The following NUDCD1 variants were observed in gnomAD, a reference collection of about 807,000 sequenced individuals.
The protein encoded by NUDCD1 is NudC domain containing 1, also known as nudC domain-containing protein 1.
NUDCD1 carries 60 observed loss-of-function variants against 67.8 expected under a neutral mutation model. The observed-to-expected ratio is 0.88, with a 90% CI of 0.72 to 1.10. The LOEUF (loss-of-function observed/expected upper bound fraction) is 1.10. Ranked by LOEUF, NUDCD1 falls within the 50% of genes least tolerant of loss-of-function variation. NUDCD1 has a pLI of 0.00. For missense variants in NUDCD1, 643 were observed against 695.0 expected, an observed-to-expected ratio of 0.93 and a Z score of 0.84; for synonymous variants, 244 against 230.8, an observed-to-expected ratio of 1.06 and a Z score of -0.52.
At chr8:109,245,230 T>C in intron 9 of NUDCD1, 92 bp downstream of exon 9, 1 of 1,266,596 alleles carries the variant, frequency 7.9e-7, no homozygotes, top group African/African-American at 1.5e-5. Flanking sequence ...TCAGGACAGC[T>C]CAAATTAAAA....
intron 2 of NUDCD1, among the ~76,000 whole-genome samples, chr8:109,313,500 G>A (rs1196605276): frequency 6.6e-6 from 1 of 152,170 alleles, no homozygotes; most frequent in Non-Finnish European, 1.5e-5. Flanking sequence ...AGTGGTCGGG[G>A]AGATCAGGAG....
At chr8:109,257,680 A>G (rs1361172348) in intron 8 of NUDCD1, among the ~76,000 whole-genome samples, 1 of 152,152 alleles carries the variant, frequency 6.6e-6, no homozygotes, top group Non-Finnish European at 1.5e-5. Context: ...GTAACGCGAC[A>G]GTAATCAAGC....
chr8:109,297,432 T>C (rs369317811), intron 2 of NUDCD1, among the ~76,000 whole-genome samples: 61 of 152,350 alleles, frequency 4.0e-4, no homozygotes, highest in African/African-American at 9.4e-4. Context: ...GTGATGTTAC[T>C]AGAAGTTAGG....
At chr8:109,251,992 A>G (rs188177668) in intron 8 of NUDCD1, among the ~76,000 whole-genome samples, 6 of 152,132 alleles carry the variant, frequency 3.9e-5, no homozygotes, top group Admixed American at 2.0e-4. Flanking sequence ...TTTGAGTTCC[A>G]CTATAATTCA....
chr8:109,280,671 A>G (rs1814413490), intron 6 of NUDCD1, among the ~76,000 whole-genome samples: 1 of 152,208 alleles, frequency 6.6e-6, no homozygotes, highest in South Asian at 2.1e-4. Context: ...TTTCTATTAA[A>G]AAGTTTGAAA....
intron 2 of NUDCD1, among the ~76,000 whole-genome samples, chr8:109,302,538 C>T (rs543614695): frequency 6.6e-6 from 1 of 152,250 alleles, no homozygotes; most frequent in South Asian, 2.1e-4. Flanking sequence ...CTCCACTCCC[C>T]CACCCTATAA....
chr8:109,255,477 C>CT (rs1170296646), intron 8 of NUDCD1, among the ~76,000 whole-genome samples: 8 of 151,986 alleles, frequency 5.3e-5, no homozygotes, highest in African/African-American at 1.9e-4. Flanking sequence ...TAAATTTCTA[C>CT]TTTAAAAAGC....
intron 8 of NUDCD1, among the ~76,000 whole-genome samples, chr8:109,267,370 CCATT>C (rs2129937024): frequency 6.6e-6 from 1 of 151,992 alleles, no homozygotes; most frequent in South Asian, 2.1e-4. Flanking sequence ...GTCAGAATGG[CCATT>C]ATTAAAAAGT....
chr8:109,300,265 C>T (rs1009243956), intron 2 of NUDCD1, among the ~76,000 whole-genome samples: 3 of 151,906 alleles, frequency 2.0e-5, no homozygotes, highest in Admixed American at 6.6e-5. Flanking sequence ...CCTGATTTAC[C>T]TGAAAAAGAA....
chr8:109,331,957 G>A (rs1299014995), intron 1 of NUDCD1, among the ~76,000 whole-genome samples: 3 of 152,182 alleles, frequency 2.0e-5, no homozygotes, highest in East Asian at 1.9e-4. Context: ...CAATATAAGA[G>A]TGCAAGGATG....
At chr8:109,261,894 G>A (rs893651320) in intron 8 of NUDCD1, among the ~76,000 whole-genome samples, 1 of 152,018 alleles carries the variant, frequency 6.6e-6, no homozygotes, top group South Asian at 2.1e-4. Flanking sequence ...ACTAGTAAGG[G>A]CTAGTACACA....
At chr8:109,249,847 CT>C (rs35856577) in intron 8 of NUDCD1, among the ~76,000 whole-genome samples, 1,686 of 133,868 alleles carry the variant, frequency 0.013, 20 homozygotes, top group African/African-American at 0.04. Context: ...TTGTTGAATT[CT>C]TTTTTTTTTT....
Position 109,265,943 on chromosome 8 carries a change from A to C in NUDCD1, c.1299+5062T>G, listed in dbSNP as rs897826184. Among the ~76,000 whole-genome samples the C allele has an allele frequency of 2.0e-5, 3 of 152,274 alleles. No homozygotes were observed. In the East Asian group the frequency reaches 5.8e-4, roughly 29 times the overall value. On this transcript the variant is annotated intron_variant, in intron 8 of 9. Transcript: ENST00000239690. Reference sequence around the variant, plus strand: ...CAGGGGATTGGGGACCCCTGTCTTAAGCAACAGATGAATATCATCTGATCT... The same window carrying C: ...CAGGGGATTGGGGACCCCTGTCTTACGCAACAGATGAATATCATCTGATCT...
Position 109,243,072 on chromosome 8 carries a change from A to G in NUDCD1, c.1689T>C (p.Asn563=). The change falls in exon 10 of 10, where the codon AAT becomes AAC. Residue 563 remains asparagine, a synonymous_variant. Transcript: ENST00000239690. ...TGGTAGTAAGAACAAATAATCTCTC[A>G]TTTGTTGCCTGAAATCCTAAAATAG... is the stretch of plus-strand genomic sequence containing the variant. ...NDPILGFQAT[N]ERLFVLTTKN... The G allele has an allele frequency of 6.2e-7, 1 of 1,611,324 alleles. No individual in the cohort carries two copies. Among genetic ancestry groups the G allele is most frequent in the South Asian group, 1.1e-5 (1 of 91,028 alleles).
At chr8:109,294,850 CA>C (rs1053130812) in intron 3 of NUDCD1, among the ~76,000 whole-genome samples, 5 of 152,050 alleles carry the variant, frequency 3.3e-5, no homozygotes, top group African/African-American at 1.2e-4. Context: ...GCTCCGTAAT[CA>C]CTTCTACTTT....
At chr8:109,269,592 C>T (rs1414235256) in intron 8 of NUDCD1, among the ~76,000 whole-genome samples, 2 of 152,270 alleles carry the variant, frequency 1.3e-5, no homozygotes, top group East Asian at 3.9e-4. Context: ...ACACTTTCCC[C>T]CAAATCTCTA....
intron 8 of NUDCD1, among the ~76,000 whole-genome samples, chr8:109,256,193 G>A (rs1017009256): frequency 2.0e-5 from 3 of 152,000 alleles, no homozygotes; most frequent in Non-Finnish European, 2.9e-5. Context: ...AGCGATACCC[G>A]TCTCAAAACA....
intron 4 of NUDCD1, among the ~76,000 whole-genome samples, chr8:109,292,505 A>C (rs1443401407): frequency 6.6e-6 from 1 of 152,158 alleles, no homozygotes; most frequent in East Asian, 1.9e-4. Flanking sequence ...ACTGAATTGC[A>C]AACTAGCAGC....
At chr8:109,330,832 A>C (rs1368156834) in intron 1 of NUDCD1, among the ~76,000 whole-genome samples, 3 of 152,218 alleles carry the variant, frequency 2.0e-5, no homozygotes, top group Non-Finnish European at 1.5e-5. Flanking sequence ...GTGGGAGCTG[A>C]ATAATGAGAT....
Sources: gnomAD v4.1 joint callset for allele counts (sites outside exome capture counted in the v4.1 genomes callset) on GRCh38, gnomAD v4.1.1 for gene constraint, MANE v1.5 for transcripts, NCBI Gene and HGNC (gene_info 2026-07-23, HGNC 2026-07-21) for gene names.